IQCM: variants seen among roughly 807,000 people sequenced by gnomAD.
IQCM encodes IQ motif containing M.
IQCM carries 45 observed loss-of-function variants against 57.6 expected under a neutral mutation model. That is an observed-to-expected ratio of 0.78 (90% CI 0.62 to 1.00). The LOEUF (loss-of-function observed/expected upper bound fraction) is 1.00. Ranked by LOEUF, IQCM falls within the 50% of genes least tolerant of loss-of-function variation. IQCM has a pLI of 0.00. For synonymous variants in IQCM, 148 were observed against 158.9 expected (o/e 0.93, Z 0.51); for missense variants, 468 against 511.6 (o/e 0.91, Z 0.82).
At chr4:149,633,009 A>T (rs902923498) in intron 7 of IQCM, among the ~76,000 whole-genome samples, 4 of 150,524 alleles carry the variant, frequency 2.7e-5, no homozygotes, top group Admixed American at 2.6e-4. Context: ...AAAATACAAA[A>T]AATTAGCCGG....
At chr4:149,691,380 A>T (rs1257051361) in intron 5 of IQCM, among the ~76,000 whole-genome samples, 1 of 152,146 alleles carries the variant, frequency 6.6e-6, no homozygotes, top group Non-Finnish European at 1.5e-5. Context: ...TAGAGTATCT[A>T]CTTAGTAAAA....
At chr4:149,361,494 G>A (rs1198725341) in intron 13 of IQCM, among the ~76,000 whole-genome samples, 1 of 152,168 alleles carries the variant, frequency 6.6e-6, no homozygotes, top group Non-Finnish European at 1.5e-5. Context: ...AGGGCCCAGG[G>A]TCCCTGTGCT....
intron 13 of IQCM, among the ~76,000 whole-genome samples, chr4:149,365,630 C>T (rs1230375590): frequency 6.6e-6 from 1 of 152,072 alleles, no homozygotes; most frequent in East Asian, 1.9e-4. Flanking sequence ...TTAATATCAC[C>T]AGTGATAAGT....
chr4:149,802,063 C>T (rs1419044028), intron 2 of IQCM, among the ~76,000 whole-genome samples: 1 of 151,334 alleles, frequency 6.6e-6, no homozygotes, highest in South Asian at 2.1e-4. Flanking sequence ...AAATATAAAA[C>T]AAAAAAGAAG....
At chr4:149,491,681 A>T (rs560951143) in intron 12 of IQCM, among the ~76,000 whole-genome samples, 6 of 152,218 alleles carry the variant, frequency 3.9e-5, no homozygotes, top group African/African-American at 9.6e-5. Flanking sequence ...GGTTGATTCT[A>T]TATCTTGGCT....
intron 13 of IQCM, among the ~76,000 whole-genome samples, chr4:149,403,664 G>A (rs934684866): frequency 1.3e-5 from 2 of 151,790 alleles, no homozygotes; most frequent in African/African-American, 4.8e-5. Flanking sequence ...TGCCATTGCT[G>A]ATAGTAGCAT....
chr4:149,617,036 A>G (rs538985059), intron 8 of IQCM, among the ~76,000 whole-genome samples: 1 of 151,804 alleles, frequency 6.6e-6, no homozygotes, highest in Admixed American at 6.6e-5. Context: ...CAGCACCACA[A>G]TCTCTACCTC....
intron 13 of IQCM, among the ~76,000 whole-genome samples, chr4:149,411,182 T>C (rs1733360800): frequency 6.6e-6 from 1 of 152,150 alleles, no homozygotes; most frequent in South Asian, 2.1e-4. Context: ...TACTTCACTT[T>C]CAATAGTATT....
At chr4:149,771,323 C>T (rs1770557104) in intron 2 of IQCM, among the ~76,000 whole-genome samples, 1 of 151,962 alleles carries the variant, frequency 6.6e-6, no homozygotes, top group Non-Finnish European at 1.5e-5. Context: ...AATGCCTTAT[C>T]ACAAGTTCCA....
At chr4:149,708,823 T>C (rs1198944685) in intron 5 of IQCM, among the ~76,000 whole-genome samples, 1 of 152,090 alleles carries the variant, frequency 6.6e-6, no homozygotes, top group African/African-American at 2.4e-5. Flanking sequence ...AACTATAATA[T>C]GTTGTTTGTC....
rs183994094 is a variant in IQCM at position 149,664,062 on chromosome 4, G to A, written c.565+18056C>T. 2.9e-3 allele frequency among the ~76,000 whole-genome samples: 435 copies of A among 152,058 alleles called. 7 individuals are homozygous for A. The highest frequency in any genetic ancestry group is 9.9e-3 in the African/African-American group (409 of 41,508). Reference sequence around the variant, plus strand: ...TGAAAGCAAGTTTATAAATTTTTCTGCTTGATTAGTCTGTTGTTGAAGCCC... The same window carrying A: ...TGAAAGCAAGTTTATAAATTTTTCTACTTGATTAGTCTGTTGTTGAAGCCC... On this transcript the variant is annotated intron_variant, in intron 7 of 13. Coordinates refer to ENST00000636793, the MANE Select transcript of IQCM (RefSeq NM_001363507.2).
intron 8 of IQCM, among the ~76,000 whole-genome samples, chr4:149,600,336 C>A (rs1056303937): frequency 2.6e-5 from 4 of 152,042 alleles, no homozygotes; most frequent in African/African-American, 9.7e-5. Flanking sequence ...TCCACTTTTC[C>A]TGAGGAAACT....
At chr4:149,683,718 A>C (rs1193877927) in intron 6 of IQCM, among the ~76,000 whole-genome samples, 1 of 151,334 alleles carries the variant, frequency 6.6e-6, no homozygotes, top group Non-Finnish European at 1.5e-5. Flanking sequence ...TTAATCTCCA[A>C]GTTAGAACTA....
intron 12 of IQCM, among the ~76,000 whole-genome samples, chr4:149,541,452 C>T (rs925774889): frequency 6.6e-6 from 1 of 151,902 alleles, no homozygotes; most frequent in Non-Finnish European, 1.5e-5. Flanking sequence ...GTTCTATTTA[C>T]ATGTTGGAAA....
intron 13 of IQCM, among the ~76,000 whole-genome samples, chr4:149,415,090 CA>C (rs1169966755): frequency 6.6e-6 from 1 of 152,058 alleles, no homozygotes; most frequent in Non-Finnish European, 1.5e-5. Context: ...CTAAAAATGT[CA>C]ATTATGCTGG....
rs533206942 is a variant in IQCM at position 149,617,876 on chromosome 4, AG to A, written c.681+3252del. Reference sequence around the variant, plus strand: ...CATAGATGGCACAAACAAATGGAAAAGCATCCCAGTCTCATGAATTGGAAGG... The same window carrying A: ...CATAGATGGCACAAACAAATGGAAAACATCCCAGTCTCATGAATTGGAAGG... On this transcript the variant is annotated intron_variant, in intron 8 of 13. Transcript: ENST00000636793. Among the ~76,000 whole-genome samples, 246 of 152,284 alleles carry A rather than the reference AG, an allele frequency of 1.6e-3. 3 individuals are homozygous for A. The highest frequency in any genetic ancestry group is 5.7e-3 in the African/African-American group (235 of 41,568).
At chr4:149,450,079 G>C (rs1417857463) in intron 12 of IQCM, among the ~76,000 whole-genome samples, 2 of 151,710 alleles carry the variant, frequency 1.3e-5, no homozygotes, top group African/African-American at 4.8e-5. Flanking sequence ...ACTCATTTTT[G>C]ACAAAAGTGC....
chr4:149,404,133 C>G (rs1423827343), intron 13 of IQCM, among the ~76,000 whole-genome samples: 1 of 151,994 alleles, frequency 6.6e-6, no homozygotes, highest in Admixed American at 6.6e-5. Context: ...CTCTTGGGAG[C>G]ACTAAAGAGA....
intron 9 of IQCM, among the ~76,000 whole-genome samples, chr4:149,580,664 A>C (rs1311473105): frequency 6.6e-6 from 1 of 151,766 alleles, no homozygotes. Flanking sequence ...GGGAGACTGC[A>C]TCATTAATAA....
Sources: gnomAD v4.1 joint callset for allele counts (sites outside exome capture counted in the v4.1 genomes callset) on GRCh38, gnomAD v4.1.1 for gene constraint, MANE v1.5 for transcripts, NCBI Gene and HGNC (gene_info 2026-07-23, HGNC 2026-07-21) for gene names.